The following TRIM3 variants were observed in gnomAD, a reference collection of about 807,000 sequenced individuals.
TRIM3 encodes tripartite motif containing 3, also known as tripartite motif-containing protein 3.
TRIM3 carries 13 observed loss-of-function variants against 66.6 expected under a neutral mutation model. The ratio of observed to expected loss-of-function variants is 0.20; its 90% CI spans 0.13 to 0.31. The LOEUF (loss-of-function observed/expected upper bound fraction) is 0.31. Among genes scored for constraint, TRIM3 ranks in the 10% least tolerant of loss-of-function variants. TRIM3 has a pLI of 1.00. For synonymous variants in TRIM3, 406 were observed against 411.7 expected (o/e 0.99, Z 0.17); for missense variants, 711 against 1,020.4 (o/e 0.70, Z 4.13).
At chr11:6,471,919 G>A (rs1850698624) in intron 1 of TRIM3, among the ~76,000 whole-genome samples, 1 of 151,812 alleles carries the variant, frequency 6.6e-6, no homozygotes, top group Non-Finnish European at 1.5e-5. Context: ...AAAGGCAGAG[G>A]TTATACATGA....
chr11:6,470,306 G>A (rs1037221767), intron 1 of TRIM3, among the ~76,000 whole-genome samples: 2 of 152,222 alleles, frequency 1.3e-5, no homozygotes, highest in East Asian at 1.9e-4. Context: ...TAGGGGAGAA[G>A]AAGGAATTAA....
intron 2 of TRIM3, among the ~76,000 whole-genome samples, chr11:6,463,674 G>A (rs1371684344): frequency 6.6e-6 from 1 of 152,240 alleles, no homozygotes; most frequent in African/African-American, 2.4e-5. Flanking sequence ...CGAAAGTGGT[G>A]TAATGGGAGT....
At chr11:6,467,929 CT>C (rs1407442750) in intron 1 of TRIM3, among the ~76,000 whole-genome samples, 1 of 152,162 alleles carries the variant, frequency 6.6e-6, no homozygotes, top group African/African-American at 2.4e-5. Context: ...TACCAAAGTT[CT>C]TTGGGTAAGA....
rs373855786 is a variant in TRIM3 at position 6,461,565 on chromosome 11, G to C, written c.132-3269C>G. 1.7e-3 allele frequency among the ~76,000 whole-genome samples: 235 copies of C among 141,408 alleles called. 2 individuals are homozygous for C. The highest frequency in any genetic ancestry group is 0.012 in the Middle Eastern group (3 of 248). 92.8% of individuals were successfully genotyped at this position (141,408 alleles called of 152,430 possible). On this transcript the variant is annotated intron_variant, in intron 2 of 11. Transcript: ENST00000345851. ...TAATTCCTTGACCTTCTCACCCCCA[G>C]TGATCTTTTCCCCCATTTCCCATGC... is the stretch of plus-strand genomic sequence containing the variant.
chr11:6,465,236 T>C (rs769970130), intron 2 of TRIM3, among the ~76,000 whole-genome samples: 2 of 152,120 alleles, frequency 1.3e-5, no homozygotes, highest in Non-Finnish European at 2.9e-5. Context: ...AGTCATAAAT[T>C]GCTGATGCCA....
In TRIM3 at chr11:6,449,240, G is replaced by A; in HGVS notation, c.2083-60C>T. The A allele has an allele frequency of 6.2e-7, 1 of 1,609,666 alleles. No homozygotes were observed. The highest frequency in any genetic ancestry group is 8.5e-7 in the Non-Finnish European group (1 of 1,176,226). On this transcript the variant is annotated intron_variant, in intron 11 of 11. Coordinates refer to ENST00000345851, the MANE Select transcript of TRIM3 (RefSeq NM_033278.4). The surrounding 1 kb of genome is among the most constrained non-coding windows in gnomAD (Gnocchi z 5.3). ...GATCAGGCAGATGAGAGTCTGTTTTGGGGGAACGGGCATATGGGACACACC... is the reference window on the plus strand; with the variant it reads ...GATCAGGCAGATGAGAGTCTGTTTTAGGGGAACGGGCATATGGGACACACC...
chr11:6,457,865 C>T lies in TRIM3; in HGVS notation c.364-18G>A. 1.2e-6 allele frequency: 2 copies of T among 1,613,898 alleles called. No individual in the cohort carries two copies. The highest frequency in any genetic ancestry group is 1.7e-6 in the Non-Finnish European group (2 of 1,179,810). On this transcript the variant is annotated intron_variant, in intron 3 of 11. Transcript: ENST00000345851. This position sits in a 1 kb window ranked among gnomAD's most constrained non-coding sequence, Gnocchi z 4.5. Reference sequence around the variant, plus strand: ...TCCATCGTCTGCGGTACAAGGACTCCAGTCGGGTAATGGCTAGACATCACA... The same window carrying T: ...TCCATCGTCTGCGGTACAAGGACTCTAGTCGGGTAATGGCTAGACATCACA...
Position 6,465,548 on chromosome 11 carries a change from T to C in TRIM3, c.131+17A>G, listed in dbSNP as rs543028948. The C allele has an allele frequency of 3.7e-6, 6 of 1,613,894 alleles. No homozygotes were observed. The South Asian group carries it at 6.6e-5, about 18-fold the overall frequency. ...CCACAGGGTCCTCATCCCTCCCCAG[T>C]ACACACATCCCCTCACCTCTCACAG... On this transcript the variant is annotated intron_variant, in intron 2 of 11. Transcript: ENST00000345851.
intron 1 of TRIM3, among the ~76,000 whole-genome samples, chr11:6,466,619 G>T (rs1171241769): frequency 7.2e-6 from 1 of 139,274 alleles, no homozygotes. Context: ...TCCAGTTCCT[G>T]GAAAATTCCT....
rs1186206915 is a variant in TRIM3, at chr11:6,449,255, T to A, written c.2082+51A>T. 1.9e-6 allele frequency: 3 copies of A among 1,610,076 alleles called. No homozygotes were observed. The highest frequency in any genetic ancestry group is 3.3e-5 in the Admixed American group (2 of 59,958). On this transcript the variant is annotated intron_variant, in intron 11 of 11. Transcript: ENST00000345851. The surrounding 1 kb of genome is among the most constrained non-coding windows in gnomAD (Gnocchi z 5.3). ...AGTCTGTTTTGGGGGAACGGGCATA[T>A]GGGACACACCAGGAAACCGCCCCCT... is the stretch of plus-strand genomic sequence containing the variant.
chr11:6,457,258 A>G lies in TRIM3; in HGVS notation c.696+38T>C. The G allele has an allele frequency of 1.2e-6, 2 of 1,604,710 alleles. No individual in the cohort carries two copies. The highest frequency in any genetic ancestry group is 1.1e-5 in the South Asian group (1 of 90,100). ...ACAATGGAGGCAATAACACCATCACAATGGACGATGGTAGGAAAGGGTGAA... is the reference window on the plus strand; with the variant it reads ...ACAATGGAGGCAATAACACCATCACGATGGACGATGGTAGGAAAGGGTGAA... On this transcript the variant is annotated intron_variant, in intron 5 of 11. Transcript: ENST00000345851. The surrounding 1 kb of genome is among the most constrained non-coding windows in gnomAD (Gnocchi z 4.5).
intron 1 of TRIM3, among the ~76,000 whole-genome samples, chr11:6,467,970 A>T (rs1161452753): frequency 6.6e-6 from 1 of 152,206 alleles, no homozygotes; most frequent in Non-Finnish European, 1.5e-5. Flanking sequence ...AGCTACAAGC[A>T]AAAAGCTGGA....
rs563801731 is a variant in TRIM3 at position 6,457,167 on chromosome 11, C to T, written c.696+129G>A. ...GGACACAGATGCCCACAGCACCTAC[C>T]GAGGGCATGTCAGGAGGCAGAATAT... On this transcript the variant is annotated intron_variant, in intron 5 of 11. Coordinates refer to ENST00000345851, the MANE Select transcript of TRIM3 (RefSeq NM_033278.4). This position sits in a 1 kb window ranked among gnomAD's most constrained non-coding sequence, Gnocchi z 4.5. The T allele has an allele frequency of 2.1e-5, 32 of 1,507,738 alleles. 1 individual carries two copies. The highest frequency in any genetic ancestry group is 1.9e-4 in the Middle Eastern group (1 of 5,342). 93.4% of individuals were successfully genotyped at this position (1,507,738 alleles called of 1,614,324 possible). A position where few individuals can be genotyped will look rare whatever the true frequency, so the allele number is the denominator to read the frequency against.
rs144532138 is a variant in TRIM3 at position 6,468,925 on chromosome 11, C to G, written c.-37-3193G>C. On this transcript the variant is annotated intron_variant, in intron 1 of 11. Transcript: ENST00000345851. ...CTAGATTTGGGGAGGGATAGAAGGGCTGAGTTGCTGTGCCTTATGTTTGTG... is the reference window on the plus strand; with the variant it reads ...CTAGATTTGGGGAGGGATAGAAGGGGTGAGTTGCTGTGCCTTATGTTTGTG... Among the ~76,000 whole-genome samples the G allele has an allele frequency of 6.9e-3, 1,053 of 152,242 alleles. 8 individuals are homozygous for G. The highest frequency in any genetic ancestry group is 0.034 in the Middle Eastern group (10 of 294).
intron 7 of TRIM3, among the ~76,000 whole-genome samples, chr11:6,454,312 G>A (rs1263525383): frequency 2.0e-5 from 3 of 150,880 alleles, no homozygotes; most frequent in African/African-American, 7.3e-5. Flanking sequence ...GATTGCTTGA[G>A]CACAGGAGGT....
intron 1 of TRIM3, among the ~76,000 whole-genome samples, chr11:6,471,782 G>A (rs1029998396): frequency 1.7e-4 from 26 of 152,190 alleles, no homozygotes; most frequent in Non-Finnish European, 3.4e-4. Context: ...AGAGGAAGGG[G>A]TATTTGAGCT....
chr11:6,469,370 G>A (rs966020404), intron 1 of TRIM3, among the ~76,000 whole-genome samples: 6 of 152,082 alleles, frequency 3.9e-5, no homozygotes, highest in Non-Finnish European at 5.9e-5. Context: ...GCATGCAGCC[G>A]CTGAGGCCAT....
In TRIM3 at chr11:6,457,822, C is replaced by T; in HGVS notation, c.389G>A (p.Cys130Tyr). Residue 130 changes from cysteine (C) to tyrosine (Y), a missense_variant, in exon 4 of 12, where the codon TGT (cysteine) becomes TAT (tyrosine). Transcript: ENST00000345851. This position sits in a 1 kb window ranked among gnomAD's most constrained non-coding sequence, Gnocchi z 4.5. ...GCACTCACCACACATGGCCGTCTCA[C>T]AGGCCTCACAGTAAAACTCCATCGT... ...GKTMEFYCEACETAMCGECRA... is the reference protein window; with the variant it reads ...GKTMEFYCEAYETAMCGECRA... 6.2e-7 allele frequency: 1 copy of T among 1,614,234 alleles called. No homozygotes were observed. The highest frequency in any genetic ancestry group is 8.5e-7 in the Non-Finnish European group (1 of 1,180,032).
At chr11:6,466,359 A>G (rs1056170920) in intron 1 of TRIM3, among the ~76,000 whole-genome samples, 18 of 152,350 alleles carry the variant, frequency 1.2e-4, no homozygotes, top group Admixed American at 6.5e-4. Context: ...GAATACAGCA[A>G]TAGCCTCTTA....
Sources: gnomAD v4.1 joint callset for allele counts (sites outside exome capture counted in the v4.1 genomes callset) on GRCh38, gnomAD v4.1.1 for gene constraint, Gnocchi (gnomAD v3.1) non-coding constraint, MANE v1.5 for transcripts, NCBI Gene and HGNC (gene_info 2026-07-23, HGNC 2026-07-21) for gene names.